Variants in CDH12 observed in about 807,000 individuals in gnomAD.
CDH12 encodes the protein cadherin-12.
A neutral mutation model predicts 74.1 loss-of-function variants in CDH12; 41 were observed. The observed-to-expected ratio is 0.55, with a 90% CI of 0.43 to 0.72. The LOEUF is 0.72. Among genes scored for constraint, CDH12 ranks in the 30% least tolerant of loss-of-function variants. CDH12 has a pLI of 0.00. For missense variants in CDH12, 945 were observed against 977.2 expected (o/e 0.97, Z 0.44); for synonymous variants, 399 against 355.0 (o/e 1.12, Z -1.39).
At chr5:22,687,460 T>G (rs1741871104) in intron 1 of CDH12, among the ~76,000 whole-genome samples, 1 of 152,172 alleles carries the variant, frequency 6.6e-6, no homozygotes, top group Admixed American at 6.5e-5. Context: ...CAGACTGCAA[T>G]GCAGTGGCAT....
rs528105051 is a variant in CDH12, at chr5:22,750,727, T to G, written c.-523+102331A>C. 2.0e-5 allele frequency among the ~76,000 whole-genome samples: 3 copies of G among 152,140 alleles called. 1 individual carries two copies. The South Asian group carries it at 6.2e-4, about 32-fold the overall frequency. Reference sequence around the variant, plus strand: ...TGGAGAATTCAGTTTGGAAGTACATTGAGGAAGTAAAGTGAAGAAAATGAG... The same window carrying G: ...TGGAGAATTCAGTTTGGAAGTACATGGAGGAAGTAAAGTGAAGAAAATGAG... On this transcript the variant is annotated intron_variant, in intron 1 of 14. Coordinates refer to ENST00000382254, the MANE Select transcript of CDH12 (RefSeq NM_004061.5).
chr5:22,736,950 A>G (rs1277927635), intron 1 of CDH12, among the ~76,000 whole-genome samples: 1 of 152,004 alleles, frequency 6.6e-6, no homozygotes, highest in East Asian at 1.9e-4. Flanking sequence ...AATTTAATTC[A>G]GAGAGTATAA....
intron 6 of CDH12, among the ~76,000 whole-genome samples, chr5:21,865,250 GAACT>G (rs1561253544): frequency 6.6e-6 from 1 of 152,066 alleles, no homozygotes; most frequent in Non-Finnish European, 1.5e-5. Flanking sequence ...TTTAAAGACA[GAACT>G]TAAAATTAAA....
chr5:22,773,231 T>G (rs1245465086), intron 1 of CDH12, among the ~76,000 whole-genome samples: 1 of 152,036 alleles, frequency 6.6e-6, no homozygotes, highest in Non-Finnish European at 1.5e-5. Context: ...ACCAGATATA[T>G]GATATTATCT....
chr5:22,310,802 T>C (rs1280340474), intron 3 of CDH12, among the ~76,000 whole-genome samples: 1 of 152,314 alleles, frequency 6.6e-6, no homozygotes, highest in East Asian at 1.9e-4. Flanking sequence ...CCCTGGGCTC[T>C]TTCTAATCTG....
intron 3 of CDH12, among the ~76,000 whole-genome samples, chr5:22,240,869 G>C (rs910125406): frequency 6.6e-6 from 1 of 152,026 alleles, no homozygotes; most frequent in Non-Finnish European, 1.5e-5. Flanking sequence ...TTTGAGAGCA[G>C]TTATTTTTCA....
intron 1 of CDH12, among the ~76,000 whole-genome samples, chr5:22,736,539 G>A (rs1744738529): frequency 6.6e-6 from 1 of 151,464 alleles, no homozygotes; most frequent in African/African-American, 2.4e-5. Context: ...AGTAAAGTAT[G>A]TTGTCTGTTA....
intron 3 of CDH12, among the ~76,000 whole-genome samples, chr5:22,390,619 T>TAGAC (rs1380746193): frequency 2.0e-5 from 3 of 150,192 alleles, no homozygotes; most frequent in Admixed American, 6.7e-5. Flanking sequence ...GATAGATAGA[T>TAGAC]AGATGATAGA....
At chr5:22,797,151 T>A (rs1581009599) in intron 1 of CDH12, among the ~76,000 whole-genome samples, 2 of 131,312 alleles carry the variant, frequency 1.5e-5, no homozygotes, top group Non-Finnish European at 1.6e-5. Context: ...ATTATGAGGG[T>A]GGAGCCCCCA....
At chr5:22,363,976 T>C (rs1740929137) in intron 3 of CDH12, among the ~76,000 whole-genome samples, 1 of 152,208 alleles carries the variant, frequency 6.6e-6, no homozygotes, top group South Asian at 2.1e-4. Context: ...TGTGGCCTTA[T>C]AAAGGCTTTG....
chr5:22,186,447 C>G (rs1043900325), intron 4 of CDH12, among the ~76,000 whole-genome samples: 2 of 152,130 alleles, frequency 1.3e-5, no homozygotes, highest in African/African-American at 4.8e-5. Context: ...ATACAGCAGC[C>G]AAAATCTACA....
intron 3 of CDH12, among the ~76,000 whole-genome samples, chr5:22,391,792 A>C (rs975233184): frequency 6.6e-6 from 1 of 152,184 alleles, no homozygotes; most frequent in African/African-American, 2.4e-5. Context: ...AAATAAAACC[A>C]ATAATATCAG....
intron 1 of CDH12, among the ~76,000 whole-genome samples, chr5:22,715,070 G>T (rs1480643726): frequency 6.6e-6 from 1 of 152,024 alleles, no homozygotes. Flanking sequence ...CCTTAACTTT[G>T]CCATCCTGCA....
chr5:22,376,553 A>G (rs1284447967), intron 3 of CDH12, among the ~76,000 whole-genome samples: 1 of 152,060 alleles, frequency 6.6e-6, no homozygotes, highest in African/African-American at 2.4e-5. Context: ...TTTTTTTGAG[A>G]CAGGGTCTCA....
intron 5 of CDH12, among the ~76,000 whole-genome samples, chr5:21,988,491 CAA>C (rs1157872208): frequency 0.019 from 556 of 29,292 alleles, 1 homozygote; most frequent in African/African-American, 0.035. Context: ...GACTCCGTCT[CAA>C]AAAAAAAAAA....
intron 4 of CDH12, among the ~76,000 whole-genome samples, chr5:22,197,631 G>T (rs1750698462): frequency 6.6e-6 from 1 of 152,062 alleles, no homozygotes; most frequent in Non-Finnish European, 1.5e-5. Flanking sequence ...TTTTTGTGAA[G>T]ATCAGTTATT....
chr5:22,820,365 A>T lies in CDH12; in HGVS notation c.-523+32693T>A, dbSNP rs1297645213. Among the ~76,000 whole-genome samples the T allele has an allele frequency of 2.0e-5, 3 of 152,074 alleles. No homozygotes were observed. The East Asian group carries it at 5.8e-4, about 29-fold the overall frequency. On this transcript the variant is annotated intron_variant, in intron 1 of 14. Coordinates refer to ENST00000382254, the MANE Select transcript of CDH12 (RefSeq NM_004061.5). ...GGGAGGGAACCAGTGGGAGGTGATC[A>T]AATCATGGGGTCTGGTCTTTCCTGT...
chr5:22,383,336 A>G (rs1741850711), intron 3 of CDH12, among the ~76,000 whole-genome samples: 1 of 152,250 alleles, frequency 6.6e-6, no homozygotes, highest in African/African-American at 2.4e-5. Context: ...TGGGCTACAT[A>G]GAATAAGATA....
intron 3 of CDH12, among the ~76,000 whole-genome samples, chr5:22,239,712 C>T (rs1752682033): frequency 6.6e-6 from 1 of 152,094 alleles, no homozygotes; most frequent in Non-Finnish European, 1.5e-5. Flanking sequence ...TTTCAGGTGG[C>T]AACAGTGAAG....
Sources: allele counts gnomAD v4.1 joint callset (sites outside exome capture counted in the v4.1 genomes callset), GRCh38; gene constraint gnomAD v4.1.1; transcripts MANE v1.5; gene names NCBI Gene and HGNC (gene_info 2026-07-23, HGNC 2026-07-21).